The following EEPD1 variants were observed in gnomAD, a reference collection of about 807,000 sequenced individuals.
The protein encoded by EEPD1 is endonuclease/exonuclease/phosphatase family domain-containing protein 1.
Under a neutral mutation model 46.3 loss-of-function variants are expected in EEPD1, and 17 were observed. The observed-to-expected ratio is 0.37, with a 90% CI of 0.25 to 0.55. The LOEUF is 0.55. Ranked by LOEUF, EEPD1 falls within the 20% of genes least tolerant of loss-of-function variation. The pLI is 0.83. For synonymous variants in EEPD1, 313 were observed against 315.6 expected (o/e 0.99, Z 0.09); for missense variants, 673 against 745.6 (o/e 0.90, Z 1.13).
Position 36,289,574 on chromosome 7 carries a change from A to C in EEPD1, c.1315+1797A>C, listed in dbSNP as rs185875332. 4.8e-3 allele frequency among the ~76,000 whole-genome samples: 726 copies of C among 152,322 alleles called. 4 individuals are homozygous for C. The highest frequency in any genetic ancestry group is 9.0e-3 in the Non-Finnish European group (609 of 68,020). On this transcript the variant is annotated intron_variant, in intron 6 of 7. Transcript: ENST00000242108. ...CAGAGGCACGATCTCGGCTCACTGC[A>C]AGCTCCGCCTCCCGGGTTCACGCCA...
intron 2 of EEPD1, among the ~76,000 whole-genome samples, chr7:36,186,423 C>G (rs762019505): frequency 6.6e-6 from 1 of 152,166 alleles, no homozygotes; most frequent in Non-Finnish European, 1.5e-5. Context: ...GTGTGATTCC[C>G]AGAGGGAAAA....
At chr7:36,282,738 G>A (rs1363742152) in intron 4 of EEPD1, among the ~76,000 whole-genome samples, 1 of 152,258 alleles carries the variant, frequency 6.6e-6, no homozygotes, top group Non-Finnish European at 1.5e-5. Flanking sequence ...GAGGTGGCAG[G>A]CTGGCCGCCT....
rs3735402 is a variant in EEPD1 at position 36,301,202 on chromosome 7, T to G, written c.*1996T>G. The G allele has an allele frequency of 0.34, 51,542 of 152,082 alleles. 9,258 individuals carry two copies. The highest frequency in any genetic ancestry group is 0.5 in the South Asian group (2,419 of 4,818). The allele number at this position is 152,082 out of a possible 1,614,324, so 9.4% of individuals were successfully genotyped here. On this transcript the variant is annotated 3_prime_UTR_variant, in exon 8 of 8. Transcript: ENST00000242108. The stretch of plus-strand genomic sequence containing the variant: ...AGTCCCAGCCAAACCTCACTGGCCC[T>G]TTTGCTTTTCACGCCCAGGGCTCAG...
At chr7:36,177,861 G>A (rs192429959) in intron 2 of EEPD1, among the ~76,000 whole-genome samples, 17 of 152,118 alleles carry the variant, frequency 1.1e-4, no homozygotes, top group East Asian at 3.9e-4. Flanking sequence ...TTACGGGTGC[G>A]CACCTCCATG....
At chr7:36,277,154 G>C (rs1326082340) in intron 3 of EEPD1, among the ~76,000 whole-genome samples, 1 of 152,216 alleles carries the variant, frequency 6.6e-6, no homozygotes, top group Non-Finnish European at 1.5e-5. Context: ...AGTAGAGGGG[G>C]CCAGCCCCAA....
Position 36,154,200 on chromosome 7 carries a change from T to A in EEPD1, c.-125T>A. The A allele has an allele frequency of 1.6e-6, 2 of 1,226,500 alleles. No homozygotes were observed. Among genetic ancestry groups the A allele is most frequent in the Non-Finnish European group, 2.2e-6 (2 of 907,742 alleles). 76.0% of individuals were successfully genotyped at this position (1,226,500 alleles called of 1,614,324 possible). On this transcript the variant is annotated 5_prime_UTR_variant, in exon 2 of 8. Transcript: ENST00000242108. This position sits in a 1 kb window ranked among gnomAD's most constrained non-coding sequence, Gnocchi z 4.2. ...GATTCGGTGTTTGTCTATAGTAACC[T>A]CTTCAGTCCCTGAATCCTGCACCTT...
intron 2 of EEPD1, among the ~76,000 whole-genome samples, chr7:36,173,267 T>C (rs759296485): frequency 2.8e-4 from 40 of 140,822 alleles, no homozygotes; most frequent in Non-Finnish European, 4.8e-4. Flanking sequence ...GGGGGGCGGA[T>C]CACGAGGTCA....
At chr7:36,184,209 G>A (rs1221984406) in intron 2 of EEPD1, among the ~76,000 whole-genome samples, 1 of 152,126 alleles carries the variant, frequency 6.6e-6, no homozygotes. Flanking sequence ...ACATTTGAAT[G>A]TCATAATTAT....
intron 2 of EEPD1, among the ~76,000 whole-genome samples, 194 bp from the exon 3 acceptor site, chr7:36,238,791 C>T (rs1786502804): frequency 6.6e-6 from 1 of 152,116 alleles, no homozygotes; most frequent in Admixed American, 6.6e-5. Context: ...GTAAAAATTA[C>T]TTTTAAATTT....
chr7:36,239,104 A>T, intron 3 of EEPD1, 68 bp downstream of exon 3: 1 of 1,493,210 alleles, frequency 6.7e-7, no homozygotes, highest in Non-Finnish European at 9.2e-7. Context: ...AGAAAAATTC[A>T]ACTCCCTGTC....
At chr7:36,227,436 T>C (rs987367682) in intron 2 of EEPD1, among the ~76,000 whole-genome samples, 1 of 152,144 alleles carries the variant, frequency 6.6e-6, no homozygotes, top group Non-Finnish European at 1.5e-5. Flanking sequence ...CAAGGACATA[T>C]TTAGGAAAAG....
chr7:36,267,811 G>A (rs1787046362), intron 3 of EEPD1, among the ~76,000 whole-genome samples: 1 of 152,306 alleles, frequency 6.6e-6, no homozygotes, highest in South Asian at 2.1e-4. Flanking sequence ...CCAGTATGAT[G>A]GTGTTTGGAG....
At position 36,219,796 on chromosome 7, in the gene EEPD1, A is replaced by AGT. The variant is rs1186303893; in HGVS notation, c.879-19188_879-19187insTG. Reference sequence around the variant, plus strand: ...GAGAAAGAGAGAGAGAGAGAGAGAGAGAGAGAGAGAGTGTGTGTGTGTGTG... The same window carrying AGT: ...GAGAAAGAGAGAGAGAGAGAGAGAGAGTGAGAGAGAGAGTGTGTGTGTGTGTG... On this transcript the variant is annotated intron_variant, in intron 2 of 7. Transcript: ENST00000242108. 2.7e-3 allele frequency among the ~76,000 whole-genome samples: 218 copies of AGT among 80,160 alleles called. 2 individuals carry two copies. The highest frequency in any genetic ancestry group is 4.0e-3 in the Non-Finnish European group (132 of 32,676). The allele number at this position is 80,160 out of a possible 152,430, so 52.6% of individuals were successfully genotyped here.
intron 2 of EEPD1, among the ~76,000 whole-genome samples, chr7:36,191,880 T>C (rs1243330681): frequency 6.6e-6 from 1 of 152,204 alleles, no homozygotes; most frequent in Non-Finnish European, 1.5e-5. Context: ...TTTTCTGGTG[T>C]GGGAGTCTGG....
chr7:36,219,519 G>A (rs1786094689), intron 2 of EEPD1, among the ~76,000 whole-genome samples: 2 of 144,582 alleles, frequency 1.4e-5, no homozygotes, highest in African/African-American at 2.6e-5. Context: ...AGGAAGGAAG[G>A]AAAGAAAGGA....
At chr7:36,263,189 G>A (rs747955080) in intron 3 of EEPD1, among the ~76,000 whole-genome samples, 15 of 152,024 alleles carry the variant, frequency 9.9e-5, no homozygotes, top group South Asian at 6.2e-4. Flanking sequence ...AAAATTGGCC[G>A]GGTGTGGCGA....
chr7:36,165,526 T>A (rs1283936231), intron 2 of EEPD1, among the ~76,000 whole-genome samples: 1 of 147,108 alleles, frequency 6.8e-6, no homozygotes, highest in African/African-American at 2.5e-5. Flanking sequence ...TTCAAGCGAT[T>A]CTCCTTCCTC....
chr7:36,225,687 T>G lies in EEPD1; in HGVS notation c.879-13298T>G, dbSNP rs1786221177. ...AAACATCTGGGAATTAAAAAAAAATTTGGCTCTATTCCCAGGCCCCATAAC... is the reference window on the plus strand; with the variant it reads ...AAACATCTGGGAATTAAAAAAAAATGTGGCTCTATTCCCAGGCCCCATAAC... On this transcript the variant is annotated intron_variant, in intron 2 of 7. Coordinates refer to ENST00000242108, the MANE Select transcript of EEPD1 (RefSeq NM_030636.3). This position sits in a 1 kb window ranked among gnomAD's most constrained non-coding sequence, Gnocchi z 4.2. Among the ~76,000 whole-genome samples the G allele has an allele frequency of 6.6e-6, 1 of 152,124 alleles. No homozygotes were observed. Among genetic ancestry groups the G allele is most frequent in the Non-Finnish European group, 1.5e-5 (1 of 68,024 alleles).
At chr7:36,180,406 TG>T (rs1235419767) in intron 2 of EEPD1, among the ~76,000 whole-genome samples, 1 of 152,140 alleles carries the variant, frequency 6.6e-6, no homozygotes, top group African/African-American at 2.4e-5. Context: ...TTCTCCATTC[TG>T]GGGGTAGTGG....
Sources: gnomAD v4.1 joint callset for allele counts (sites outside exome capture counted in the v4.1 genomes callset) on GRCh38, gnomAD v4.1.1 for gene constraint, Gnocchi (gnomAD v3.1) non-coding constraint, MANE v1.5 for transcripts, NCBI Gene and HGNC (gene_info 2026-07-23, HGNC 2026-07-21) for gene names.